Variants in OLFM3 observed in about 807,000 individuals in gnomAD.
OLFM3 encodes olfactomedin 3, also known as noelin-3.
A neutral mutation model predicts 48.6 loss-of-function variants in OLFM3; 20 were observed. That is an observed-to-expected ratio of 0.41 (90% CI 0.29 to 0.60). The LOEUF (loss-of-function observed/expected upper bound fraction) is 0.60, where lower values mean the gene tolerates loss of function less well. Among genes scored for constraint, OLFM3 ranks in the 20% least tolerant of loss-of-function variants. The probability of loss-of-function intolerance (pLI) is 0.28; values close to 1 mark genes in which losing one functional copy is unlikely to be tolerated. For synonymous variants in OLFM3, 222 were observed against 198.1 expected, an observed-to-expected ratio of 1.12 and a Z score of -1.01; for missense variants, 437 against 544.3, an observed-to-expected ratio of 0.80 and a Z score of 1.96.
chr1:101,972,588 A>G (rs894856569), intron 1 of OLFM3, among the ~76,000 whole-genome samples: 2 of 152,200 alleles, frequency 1.3e-5, no homozygotes, highest in Non-Finnish European at 2.9e-5. Context: ...AGAGAACTCA[A>G]TGATGATAAA....
chr1:101,947,138 A>G (rs1659988082), intron 1 of OLFM3, among the ~76,000 whole-genome samples: 1 of 152,180 alleles, frequency 6.6e-6, no homozygotes, highest in African/African-American at 2.4e-5. Flanking sequence ...TTTTAAGCAT[A>G]TTCTTAAAGT....
Position 101,868,997 on chromosome 1 carries a change from A to G in OLFM3, c.70-31972T>C, listed in dbSNP as rs531885598. ...TCAGAGGATGTATGGAAACACCTGGATATCCAGGCAGAAGTTTGCTGCAGG... is the reference window on the plus strand; with the variant it reads ...TCAGAGGATGTATGGAAACACCTGGGTATCCAGGCAGAAGTTTGCTGCAGG... On this transcript the variant is annotated intron_variant, in intron 1 of 5. Transcript: ENST00000370103. Among the ~76,000 whole-genome samples, 20 of 152,346 alleles carry G rather than the reference A, an allele frequency of 1.3e-4. No homozygotes were observed. In the South Asian group the frequency reaches 3.5e-3, roughly 27 times the overall value.
At chr1:101,847,006 G>C (rs756718879) in intron 1 of OLFM3, 8 of 1,583,140 alleles carry the variant, frequency 5.1e-6, no homozygotes, top group Non-Finnish European at 6.9e-6. Context: ...CATAGTGACT[G>C]ATTAAGATCC....
intron 1 of OLFM3, among the ~76,000 whole-genome samples, chr1:101,966,925 T>C (rs192566947): frequency 5.2e-4 from 79 of 152,328 alleles, no homozygotes; most frequent in Admixed American, 2.7e-3. Flanking sequence ...CAATGTAAGC[T>C]TCCTGAAGGG....
At chr1:101,879,622 A>G (rs577039333) in intron 1 of OLFM3, among the ~76,000 whole-genome samples, 1 of 151,876 alleles carries the variant, frequency 6.6e-6, no homozygotes, top group African/African-American at 2.4e-5. Context: ...TTCACTTAAT[A>G]TAAGTGGATT....
At chr1:101,975,269 G>T (rs191468181) in intron 1 of OLFM3, among the ~76,000 whole-genome samples, 1 of 152,212 alleles carries the variant, frequency 6.6e-6, no homozygotes, top group Non-Finnish European at 1.5e-5. Flanking sequence ...TAGTCTCATG[G>T]ATAGAAAGTA....
At chr1:101,991,014 A>ATAT (rs1303098017) in intron 1 of OLFM3, among the ~76,000 whole-genome samples, 25 of 67,108 alleles carry the variant, frequency 3.7e-4, no homozygotes, top group African/African-American at 1.4e-3. Context: ...AAAAAAAAAA[A>ATAT]AAATATATAT....
intron 1 of OLFM3, among the ~76,000 whole-genome samples, chr1:101,865,996 C>G (rs964661129): frequency 2.0e-5 from 3 of 152,122 alleles, no homozygotes; most frequent in East Asian, 3.9e-4. Flanking sequence ...AGCTGTTTGC[C>G]TTTCCAAATG....
intron 4 of OLFM3, among the ~76,000 whole-genome samples, chr1:101,824,369 GAAAGAGTTTGTA>G (rs1455749165): frequency 6.6e-6 from 1 of 152,080 alleles, no homozygotes; most frequent in East Asian, 1.9e-4. Flanking sequence ...TGGATATCAC[GAAAGAGTTTGTA>G]ACTCAGACCA....
intron 1 of OLFM3, among the ~76,000 whole-genome samples, chr1:101,879,335 T>G (rs2100987845): frequency 6.6e-6 from 1 of 152,024 alleles, no homozygotes. Context: ...TTCTTCTTAT[T>G]CTTGATCATA....
chr1:101,912,087 T>C (rs1050964052), intron 1 of OLFM3, among the ~76,000 whole-genome samples: 5 of 152,186 alleles, frequency 3.3e-5, no homozygotes, highest in African/African-American at 1.2e-4. Flanking sequence ...CTGTCTGACA[T>C]GCCCTTGGCC....
intron 4 of OLFM3, among the ~76,000 whole-genome samples, chr1:101,820,768 G>T (rs1165728750): frequency 6.6e-6 from 1 of 152,028 alleles, no homozygotes; most frequent in Non-Finnish European, 1.5e-5. Flanking sequence ...TAAAATTCAT[G>T]TGATGTATGC....
At chr1:101,936,277 C>T (rs1659614192) in intron 1 of OLFM3, among the ~76,000 whole-genome samples, 1 of 152,108 alleles carries the variant, frequency 6.6e-6, no homozygotes, top group Admixed American at 6.6e-5. Context: ...TTTCAGGATA[C>T]AAAATCAATG....
chr1:101,882,001 G>T (rs1417006262), intron 1 of OLFM3, among the ~76,000 whole-genome samples: 1 of 151,098 alleles, frequency 6.6e-6, no homozygotes, highest in Non-Finnish European at 1.5e-5. Context: ...TTTTCATACT[G>T]TTGGATGCTT....
chr1:101,974,121 A>T (rs1055734403), intron 1 of OLFM3, among the ~76,000 whole-genome samples: 5 of 151,858 alleles, frequency 3.3e-5, no homozygotes, highest in African/African-American at 1.2e-4. Context: ...CGTAGATAAC[A>T]CTAACAAAAA....
intron 1 of OLFM3, among the ~76,000 whole-genome samples, chr1:101,866,889 C>A (rs536799054): frequency 1.3e-5 from 2 of 152,110 alleles, no homozygotes; most frequent in Admixed American, 6.6e-5. Context: ...ACATGTTGTG[C>A]CTGAGAGAAG....
intron 1 of OLFM3, among the ~76,000 whole-genome samples, chr1:101,945,817 G>A (rs958415291): frequency 1.3e-5 from 2 of 151,654 alleles, no homozygotes; most frequent in Non-Finnish European, 2.9e-5. Context: ...TAAAGTTATT[G>A]GGATATAATT....
intron 1 of OLFM3, among the ~76,000 whole-genome samples, chr1:101,875,427 C>T (rs1199428889): frequency 6.6e-6 from 1 of 151,682 alleles, no homozygotes; most frequent in African/African-American, 2.4e-5. Context: ...ATAAAGGTAC[C>T]ATCTTAATGC....
At chr1:101,865,720 G>A (rs1656833824) in intron 1 of OLFM3, among the ~76,000 whole-genome samples, 1 of 152,274 alleles carries the variant, frequency 6.6e-6, no homozygotes, top group Middle Eastern at 3.4e-3. Flanking sequence ...GGAGACACTG[G>A]CTGTAGTGCT....
Sources: allele counts gnomAD v4.1 joint callset (sites outside exome capture counted in the v4.1 genomes callset), GRCh38; gene constraint gnomAD v4.1.1; transcripts MANE v1.5; gene names NCBI Gene and HGNC (gene_info 2026-07-23, HGNC 2026-07-21).